KIAA1328: variants seen among roughly 807,000 people sequenced by gnomAD.
KIAA1328 encodes the protein KIAA1328, also known as protein hinderin.
In KIAA1328, 52 loss-of-function variants were observed where a neutral mutation model predicts 68.1. That is an observed-to-expected ratio of 0.76 (90% CI 0.61 to 0.96). KIAA1328 has a LOEUF of 0.96. Among genes scored for constraint, KIAA1328 ranks in the 40% least tolerant of loss-of-function variants. The probability of loss-of-function intolerance (pLI) is 0.00; values close to 1 mark genes in which losing one functional copy is unlikely to be tolerated. For synonymous variants in KIAA1328, 232 were observed against 239.4 expected, an observed-to-expected ratio of 0.97 and a Z score of 0.28; for missense variants, 641 against 677.6, an observed-to-expected ratio of 0.95 and a Z score of 0.60.
At chr18:37,067,709 G>A (rs538518177) in intron 7 of KIAA1328, among the ~76,000 whole-genome samples, 164 bp downstream of exon 7, 42 of 152,070 alleles carry the variant, frequency 2.8e-4, no homozygotes, top group Middle Eastern at 3.4e-3. Flanking sequence ...ACAGGCGCCC[G>A]CCACCATGCC....
chr18:37,033,080 A>G (rs898071823), intron 6 of KIAA1328, among the ~76,000 whole-genome samples: 4 of 152,178 alleles, frequency 2.6e-5, no homozygotes, highest in African/African-American at 2.4e-5. Context: ...TTGATGTTGC[A>G]TGCGTTTATA....
At chr18:36,968,177 C>T (rs564068212) in intron 6 of KIAA1328, among the ~76,000 whole-genome samples, 40 of 152,238 alleles carry the variant, frequency 2.6e-4, no homozygotes, top group African/African-American at 9.1e-4. Context: ...CTTAAGTACA[C>T]AGACCAGTGA....
At chr18:36,917,894 C>T (rs541634064) in intron 5 of KIAA1328, among the ~76,000 whole-genome samples, 83 of 152,312 alleles carry the variant, frequency 5.4e-4, no homozygotes, top group Non-Finnish European at 1.0e-3. Flanking sequence ...CACCCACTGT[C>T]AGTCCCTTCT....
chr18:37,147,721 G>A (rs78219815), intron 7 of KIAA1328, among the ~76,000 whole-genome samples: 2,953 of 152,184 alleles, frequency 0.019, 39 homozygotes, highest in Non-Finnish European at 0.031. Context: ...TATTCTTAGC[G>A]GAAGTCTAGG....
At chr18:37,002,699 C>G (rs1156979825) in intron 6 of KIAA1328, among the ~76,000 whole-genome samples, 1 of 151,852 alleles carries the variant, frequency 6.6e-6, no homozygotes, top group Non-Finnish European at 1.5e-5. Context: ...GAAGACAACA[C>G]AAGAAACAAA....
In KIAA1328 at chr18:37,223,702, A is replaced by G. The variant is rs1035114461; in HGVS notation, c.*1475A>G. 2 of 985,328 alleles carry G rather than the reference A, an allele frequency of 2.0e-6. No individual in the cohort carries two copies. Among genetic ancestry groups the G allele is most frequent in the Non-Finnish European group, 2.4e-6 (2 of 829,896 alleles). The allele number at this position is 985,328 out of a possible 1,614,324, so 61.0% of individuals were successfully genotyped here. On this transcript the variant is annotated 3_prime_UTR_variant, in exon 10 of 10. Coordinates refer to ENST00000280020, the MANE Select transcript of KIAA1328 (RefSeq NM_020776.3). Reference sequence around the variant, plus strand: ...TTCCCTGAATTACTCTTTTAATTAAAACTAGATTATTTCAATCTAGAAAAG... The same window carrying G: ...TTCCCTGAATTACTCTTTTAATTAAGACTAGATTATTTCAATCTAGAAAAG...
intron 9 of KIAA1328, among the ~76,000 whole-genome samples, chr18:37,180,699 A>G (rs1214086926): frequency 6.6e-6 from 1 of 151,932 alleles, no homozygotes; most frequent in Non-Finnish European, 1.5e-5. Context: ...TAAACACTCA[A>G]CCAGGTTTTC....
intron 6 of KIAA1328, among the ~76,000 whole-genome samples, chr18:37,050,759 ATAAGG>A (rs1427729870): frequency 6.6e-6 from 1 of 152,238 alleles, no homozygotes; most frequent in Admixed American, 6.5e-5. Context: ...TGTGAATCAC[ATAAGG>A]CAGTAACAGA....
intron 7 of KIAA1328, among the ~76,000 whole-genome samples, chr18:37,127,486 A>G (rs1260340824): frequency 6.6e-6 from 1 of 152,164 alleles, no homozygotes; most frequent in Non-Finnish European, 1.5e-5. Flanking sequence ...AGGCAGGAAG[A>G]TCCCTTGAGC....
intron 8 of KIAA1328, among the ~76,000 whole-genome samples, chr18:37,167,461 G>C (rs906599786): frequency 1.2e-4 from 18 of 152,186 alleles, no homozygotes; most frequent in African/African-American, 4.3e-4. Context: ...TGTCAGAAGG[G>C]GGATGGAGTG....
intron 9 of KIAA1328, among the ~76,000 whole-genome samples, chr18:37,208,766 G>A (rs969046089): frequency 2.6e-5 from 4 of 152,128 alleles, no homozygotes; most frequent in Non-Finnish European, 5.9e-5. Context: ...GAGATAGAAG[G>A]TATAATCTAA....
chr18:36,830,488 C>T (rs183412593), intron 1 of KIAA1328, among the ~76,000 whole-genome samples: 53 of 152,226 alleles, frequency 3.5e-4, no homozygotes, highest in Admixed American at 7.8e-4. Flanking sequence ...AACACTGCTT[C>T]TGCATTGACA....
intron 5 of KIAA1328, among the ~76,000 whole-genome samples, chr18:36,933,319 C>T (rs766391537): frequency 2.0e-5 from 3 of 152,062 alleles, no homozygotes; most frequent in African/African-American, 4.8e-5. Flanking sequence ...GAGAGATAAC[C>T]CCCTCACCAG....
intron 6 of KIAA1328, among the ~76,000 whole-genome samples, chr18:36,975,478 G>T (rs1408708276): frequency 6.6e-6 from 1 of 152,094 alleles, no homozygotes; most frequent in Admixed American, 6.6e-5. Context: ...CACCGCGCCC[G>T]GCCTACAAGC....
chr18:37,164,788 A>C (rs1005746472), intron 8 of KIAA1328, among the ~76,000 whole-genome samples: 1 of 152,158 alleles, frequency 6.6e-6, no homozygotes, highest in South Asian at 2.1e-4. Context: ...TTAGGAGTCA[A>C]GAAAATATGG....
chr18:37,132,941 A>G (rs2058556254), intron 7 of KIAA1328, among the ~76,000 whole-genome samples: 2 of 152,234 alleles, frequency 1.3e-5, no homozygotes, highest in African/African-American at 4.8e-5. Context: ...ACATGCAACA[A>G]CTTAAATGAA....
chr18:37,048,042 C>G (rs955347313), intron 6 of KIAA1328, among the ~76,000 whole-genome samples: 2 of 152,122 alleles, frequency 1.3e-5, no homozygotes, highest in Admixed American at 6.5e-5. Context: ...TTTGGCTATT[C>G]CTATGTACCT....
At chr18:37,171,389 A>AT (rs1188168472) in intron 8 of KIAA1328, among the ~76,000 whole-genome samples, 1 of 151,748 alleles carries the variant, frequency 6.6e-6, no homozygotes, top group East Asian at 1.9e-4. Context: ...GGCTAATTTT[A>AT]TTTTTTATAG....
At chr18:36,851,621 CT>C (rs2047215342) in intron 4 of KIAA1328, among the ~76,000 whole-genome samples, 1 of 151,818 alleles carries the variant, frequency 6.6e-6, no homozygotes, top group Admixed American at 6.6e-5. Context: ...TCTTATAATA[CT>C]TTTTATTTCT....
Sources: allele counts gnomAD v4.1 joint callset (sites outside exome capture counted in the v4.1 genomes callset), GRCh38; gene constraint gnomAD v4.1.1; transcripts MANE v1.5; gene names NCBI Gene and HGNC (gene_info 2026-07-23, HGNC 2026-07-21).